The following RBFOX1 variants were observed in gnomAD, a reference collection of about 807,000 sequenced individuals.
RBFOX1 encodes RNA binding fox-1 homolog 1.
RBFOX1 carries 8 observed loss-of-function variants against 57.7 expected under a neutral mutation model. The observed-to-expected ratio is 0.14, with a 90% confidence interval of 0.08 to 0.25. RBFOX1 has a LOEUF of 0.25. RBFOX1 is among the 10% of genes least tolerant of loss of function. The probability of loss-of-function intolerance (pLI) is 1.00; values close to 1 mark genes in which losing one functional copy is unlikely to be tolerated. For synonymous variants in RBFOX1, 326 were observed against 222.4 expected (o/e 1.47, Z -4.15); for missense variants, 611 against 548.5 (o/e 1.11, Z -1.14).
At chr16:6,968,261 C>T (rs994905238) in intron 3 of RBFOX1, among the ~76,000 whole-genome samples, 1 of 152,218 alleles carries the variant, frequency 6.6e-6, no homozygotes, top group Admixed American at 6.5e-5. Context: ...GACCCCCAGG[C>T]AAGCTGTCAC....
chr16:6,101,142 G>A (rs990943086), intron 1 of RBFOX1, among the ~76,000 whole-genome samples: 2 of 152,158 alleles, frequency 1.3e-5, no homozygotes, highest in African/African-American at 4.8e-5. Context: ...TGACTTCTGA[G>A]AAAGGCTGTT....
chr16:6,673,530 G>A (rs2098781087), intron 3 of RBFOX1, among the ~76,000 whole-genome samples: 2 of 152,224 alleles, frequency 1.3e-5, no homozygotes, highest in South Asian at 4.1e-4. Flanking sequence ...GGAGGTTGCA[G>A]TGAGTGGAGG....
At position 7,241,643 on chromosome 16, in the gene RBFOX1, G is replaced by C. The variant is rs191317637; in HGVS notation, c.27+189545G>C. 6.6e-3 allele frequency among the ~76,000 whole-genome samples: 1,008 copies of C among 152,098 alleles called. 3 individuals carry two copies. Among genetic ancestry groups the C allele is most frequent in the Middle Eastern group, 0.031 (9 of 294 alleles). On this transcript the variant is annotated intron_variant, in intron 4 of 15. Transcript: ENST00000550418. ...TAAAGAAAAAACATTTCTTCTTTATGTTGGTCATATTTTCAGTAAGAGTGC... is the reference window on the plus strand; with the variant it reads ...TAAAGAAAAAACATTTCTTCTTTATCTTGGTCATATTTTCAGTAAGAGTGC...
chr16:5,554,267 G>T (rs552157147), intron 2 of RBFOX1, among the ~76,000 whole-genome samples: 28 of 151,940 alleles, frequency 1.8e-4, no homozygotes, highest in Non-Finnish European at 1.6e-4. Flanking sequence ...CACAATGCCT[G>T]GCCTTTTTCT....
chr16:6,043,717 G>A lies in RBFOX1; in HGVS notation c.-127+23725G>A, dbSNP rs1189795222. ...TCCTGCCTTTCCTGCTCTTTTCCCA[G>A]GAAGCCAGTATGGAAGGAGAACTCC... is the stretch of plus-strand genomic sequence containing the variant. On this transcript the variant is annotated intron_variant, in intron 1 of 15. Transcript: ENST00000550418. Among the ~76,000 whole-genome samples the A allele has an allele frequency of 2.6e-5, 4 of 152,138 alleles. No individual in the cohort carries two copies. In the East Asian group the frequency reaches 5.8e-4, roughly 22 times the overall value.
rs566436976 is a variant in RBFOX1 at position 7,114,123 on chromosome 16, C to T, written c.27+62025C>T. On this transcript the variant is annotated intron_variant, in intron 4 of 15. Transcript: ENST00000550418. Reference sequence around the variant, plus strand: ...ATTTTAAGAAAAAAGAAACCTGAAACCTCTTGAGTTTTTAACTTTCAGTTG... The same window carrying T: ...ATTTTAAGAAAAAAGAAACCTGAAATCTCTTGAGTTTTTAACTTTCAGTTG... Among the ~76,000 whole-genome samples the T allele has an allele frequency of 1.2e-4, 18 of 152,228 alleles. No individual in the cohort carries two copies. The Middle Eastern group carries it at 0.01, about 86-fold the overall frequency.
At chr16:6,076,403 T>C (rs1446202740) in intron 1 of RBFOX1, among the ~76,000 whole-genome samples, 1 of 151,972 alleles carries the variant, frequency 6.6e-6, no homozygotes, top group Non-Finnish European at 1.5e-5. Flanking sequence ...CTGTTTGACC[T>C]TCGGTAGGTC....
At chr16:7,582,654 A>G (rs1183934232) in intron 6 of RBFOX1, among the ~76,000 whole-genome samples, 3 of 152,196 alleles carry the variant, frequency 2.0e-5, no homozygotes, top group African/African-American at 2.4e-5. Context: ...AGTTACTGCA[A>G]GAAACTACAG....
intron 4 of RBFOX1, among the ~76,000 whole-genome samples, chr16:7,067,304 A>G (rs1181186606): frequency 1.2e-5 from 1 of 82,308 alleles, no homozygotes; most frequent in African/African-American, 3.6e-5. Flanking sequence ...CTAACAAATT[A>G]CCACAAAAAA....
intron 1 of RBFOX1, among the ~76,000 whole-genome samples, chr16:5,432,555 G>GTTTT (rs1567502943): frequency 2.6e-5 from 2 of 75,590 alleles, no homozygotes; most frequent in Non-Finnish European, 5.4e-5. Flanking sequence ...TTTTTTGTTT[G>GTTTT]TTTGTTTTTT....
chr16:7,220,549 C>G (rs2092646862), intron 4 of RBFOX1, among the ~76,000 whole-genome samples: 3 of 152,162 alleles, frequency 2.0e-5, no homozygotes, highest in Admixed American at 6.5e-5. Flanking sequence ...GGATGTAACC[C>G]TGATGTCAGG....
chr16:6,542,685 G>A (rs1427793443), intron 2 of RBFOX1, among the ~76,000 whole-genome samples: 4 of 151,470 alleles, frequency 2.6e-5, no homozygotes, highest in African/African-American at 9.7e-5. Context: ...GTAGAGACGG[G>A]GTTTCACTGT....
chr16:7,046,857 C>T (rs761565598), intron 3 of RBFOX1, among the ~76,000 whole-genome samples: 23 of 151,870 alleles, frequency 1.5e-4, no homozygotes, highest in Non-Finnish European at 2.6e-4. Context: ...CTGCGAGCCT[C>T]GGTCTTTCAA....
chr16:6,586,128 T>C (rs995123769), intron 2 of RBFOX1, among the ~76,000 whole-genome samples: 1 of 152,242 alleles, frequency 6.6e-6, no homozygotes, highest in East Asian at 1.9e-4. Flanking sequence ...ATGTTTGTTA[T>C]GATCAATTCA....
chr16:5,912,526 G>C (rs1197282549), intron 4 of RBFOX1, among the ~76,000 whole-genome samples: 2 of 152,118 alleles, frequency 1.3e-5, no homozygotes, highest in Non-Finnish European at 2.9e-5. Context: ...AAGATGCATT[G>C]CACGTTGAAA....
chr16:6,876,668 A>G (rs2061905537), intron 3 of RBFOX1, among the ~76,000 whole-genome samples: 1 of 152,044 alleles, frequency 6.6e-6, no homozygotes, highest in African/African-American at 2.4e-5. Context: ...CTAGGGTTCT[A>G]TTTCTTAATC....
In RBFOX1 at chr16:7,183,129, T is replaced by C. The variant is rs969815742; in HGVS notation, c.27+131031T>C. Among the ~76,000 whole-genome samples the C allele has an allele frequency of 5.9e-5, 9 of 152,218 alleles. No homozygotes were observed. In the East Asian group the frequency reaches 1.7e-3, roughly 29 times the overall value. ...GAGAATTGAATTGCCCCAGCTGGGA[T>C]CAGTATTCAACCCTCTTTTTATTAG... is the stretch of plus-strand genomic sequence containing the variant. On this transcript the variant is annotated intron_variant, in intron 4 of 15. Coordinates refer to ENST00000550418, the MANE Select transcript of RBFOX1 (RefSeq NM_018723.4).
chr16:7,567,321 A>C lies in RBFOX1; in HGVS notation c.271-12456A>C, dbSNP rs578094959. 2.0e-4 allele frequency among the ~76,000 whole-genome samples: 18 copies of C among 90,782 alleles called. 2 individuals carry two copies. The highest frequency in any genetic ancestry group is 4.5e-4 in the African/African-American group (11 of 24,674). 59.6% of individuals were successfully genotyped at this position (90,782 alleles called of 152,430 possible). On this transcript the variant is annotated intron_variant, in intron 5 of 15. Coordinates refer to ENST00000550418, the MANE Select transcript of RBFOX1 (RefSeq NM_018723.4). ...TATGGCCCTATATATATATATATAT[A>C]TCTCCCTATATATGGCCCTATATAT...
rs1567630918 is a variant in RBFOX1, at chr16:5,856,199, A to ACACATATATATG, written c.319-11104_319-11103insCACATATATATG. Among the ~76,000 whole-genome samples the ACACATATATATG allele has an allele frequency of 5.1e-3, 226 of 44,664 alleles. 4 individuals carry two copies. The highest frequency in any genetic ancestry group is 0.015 in the African/African-American group (220 of 14,910). 29.3% of individuals were successfully genotyped at this position (44,664 alleles called of 152,430 possible). A position where few individuals can be genotyped will look rare whatever the true frequency, so the allele number is the denominator to read the frequency against. On this transcript the variant is annotated intron_variant, in intron 3 of 19. Coordinates refer to the RBFOX1 transcript ENST00000641259. ...TCTCTCTCTCTCTCTATATATATATATATATATACATATATATGTATATAT... is the reference window on the plus strand; with the variant it reads ...TCTCTCTCTCTCTCTATATATATATACACATATATATGTATATATACATATATATGTATATAT...
Sources: allele counts gnomAD v4.1 joint callset (sites outside exome capture counted in the v4.1 genomes callset), GRCh38; gene constraint gnomAD v4.1.1; transcripts MANE v1.5; gene names NCBI Gene and HGNC (gene_info 2026-07-23, HGNC 2026-07-21).